Variants in CADM1 observed in about 807,000 individuals in gnomAD.
CADM1 encodes TSLC-1.
A neutral mutation model predicts 53.1 loss-of-function variants in CADM1; 15 were observed. That is an observed-to-expected ratio of 0.28 (90% CI 0.19 to 0.44). CADM1 has a LOEUF of 0.44. Among genes scored for constraint, CADM1 ranks in the 20% least tolerant of loss-of-function variants. The probability of loss-of-function intolerance (pLI) is 1.00; values close to 1 mark genes in which losing one functional copy is unlikely to be tolerated. For missense variants in CADM1, 434 were observed against 611.3 expected (o/e 0.71, Z 3.06); for synonymous variants, 281 against 243.0 (o/e 1.16, Z -1.45).
chr11:115,364,862 G>A (rs904282078), intron 1 of CADM1, among the ~76,000 whole-genome samples: 4 of 152,146 alleles, frequency 2.6e-5, no homozygotes, highest in Non-Finnish European at 5.9e-5. Context: ...ATGTTGGCGT[G>A]TACCTCATTT....
intron 1 of CADM1, among the ~76,000 whole-genome samples, chr11:115,338,689 G>A (rs189185680): frequency 6.6e-6 from 1 of 152,080 alleles, no homozygotes; most frequent in African/African-American, 2.4e-5. Context: ...GTGTGCTATG[G>A]CTCAACTCTC....
intron 1 of CADM1, among the ~76,000 whole-genome samples, chr11:115,313,102 A>G (rs1276759994): frequency 2.6e-5 from 4 of 152,196 alleles, no homozygotes; most frequent in Non-Finnish European, 5.9e-5. Flanking sequence ...AAGATCCTGA[A>G]GGGAAACCTA....
chr11:115,264,608 T>C (rs1227883697), intron 1 of CADM1, among the ~76,000 whole-genome samples: 2 of 152,220 alleles, frequency 1.3e-5, no homozygotes, highest in Non-Finnish European at 2.9e-5. Context: ...ATGAGAGCTC[T>C]GGTGGTGGAA....
chr11:115,238,307 C>A (rs193173104), intron 3 of CADM1, among the ~76,000 whole-genome samples, 193 bp downstream of exon 3: 5 of 152,310 alleles, frequency 3.3e-5, no homozygotes, highest in Middle Eastern at 3.4e-3. Context: ...CAGGTGGAAT[C>A]TATAAAGACT....
chr11:115,190,194 T>C (rs1939778671), intron 10 of CADM1, among the ~76,000 whole-genome samples: 3 of 152,244 alleles, frequency 2.0e-5, no homozygotes. Context: ...CACAACATCA[T>C]GGAAGCTCAT....
rs1938881137 is a variant in CADM1, at chr11:115,173,688, T to C, written c.*2786A>G. The C allele has an allele frequency of 1.2e-5, 6 of 491,620 alleles. No homozygotes were observed. The highest frequency in any genetic ancestry group is 1.5e-5 in the Non-Finnish European group (6 of 393,324). 30.5% of individuals were successfully genotyped at this position (491,620 alleles called of 1,614,324 possible). A position where few individuals can be genotyped will look rare whatever the true frequency, so the allele number is the denominator to read the frequency against. ...GATATTTTATAGTACTTCTTTTTTT[T>C]CTTTTTTTTTTTGTAAAAATGGTAT... On this transcript the variant is annotated 3_prime_UTR_variant, in exon 12 of 12. Coordinates refer to ENST00000331581, the MANE Select transcript of CADM1 (RefSeq NM_001301043.2).
chr11:115,496,524 C>T (rs1949617829), intron 1 of CADM1, among the ~76,000 whole-genome samples: 2 of 152,026 alleles, frequency 1.3e-5, no homozygotes, highest in Admixed American at 1.3e-4. Context: ...AGTGGGAGAG[C>T]AATTGAGGAA....
chr11:115,497,825 C>G (rs183595983), intron 1 of CADM1, among the ~76,000 whole-genome samples: 1 of 152,076 alleles, frequency 6.6e-6, no homozygotes, highest in African/African-American at 2.4e-5. Context: ...GGGGGCGGTG[C>G]AGGGGGCAGG....
At chr11:115,256,749 A>T (rs1348654890) in intron 1 of CADM1, 1 of 454,728 alleles carries the variant, frequency 2.2e-6, no homozygotes, top group Non-Finnish European at 4.4e-6. Flanking sequence ...GTGTTCCTTA[A>T]CATATGGCAA....
chr11:115,366,371 T>TAG (rs1157580789), intron 1 of CADM1, among the ~76,000 whole-genome samples: 1 of 152,234 alleles, frequency 6.6e-6, no homozygotes, highest in Non-Finnish European at 1.5e-5. Context: ...CATAGCTTTT[T>TAG]AGTGTCAAGT....
chr11:115,302,094 A>G (rs751656396), intron 1 of CADM1, among the ~76,000 whole-genome samples: 3 of 151,918 alleles, frequency 2.0e-5, no homozygotes, highest in Non-Finnish European at 2.9e-5. Context: ...TAATTTGAAA[A>G]TGTTCATTAC....
intron 5 of CADM1, among the ~76,000 whole-genome samples, chr11:115,227,176 G>A (rs990440291): frequency 2.0e-5 from 3 of 152,170 alleles, no homozygotes; most frequent in Non-Finnish European, 4.4e-5. Flanking sequence ...TGTTTTTGGA[G>A]GGCATTAGAG....
At chr11:115,352,639 T>C (rs1309531116) in intron 1 of CADM1, among the ~76,000 whole-genome samples, 1 of 152,102 alleles carries the variant, frequency 6.6e-6, no homozygotes, top group Admixed American at 6.5e-5. Context: ...AGAGAAGACT[T>C]AGGAAGAAGA....
At chr11:115,245,461 T>A (rs1205286985) in intron 1 of CADM1, among the ~76,000 whole-genome samples, 1 of 152,248 alleles carries the variant, frequency 6.6e-6, no homozygotes. Context: ...CTTATTTTCT[T>A]TAGATGTGTG....
intron 1 of CADM1, among the ~76,000 whole-genome samples, chr11:115,273,320 T>C (rs901340032): frequency 1.3e-5 from 2 of 152,242 alleles, no homozygotes; most frequent in Non-Finnish European, 2.9e-5. Context: ...TGGTTTATTT[T>C]TTTTCCATCA....
chr11:115,453,052 G>C lies in CADM1; in HGVS notation c.124+51219C>G, dbSNP rs187558577. Among the ~76,000 whole-genome samples the C allele has an allele frequency of 3.7e-3, 565 of 152,136 alleles. 5 individuals carry two copies. The highest frequency in any genetic ancestry group is 4.5e-3 in the Non-Finnish European group (305 of 67,994). On this transcript the variant is annotated intron_variant, in intron 1 of 11. Transcript: ENST00000331581. ...TAAAATTACATTACTAGTTAGTCTA[G>C]GTGTGATAGAAACATTCTGGCCTCA...
rs547635466 is a variant in CADM1, at chr11:115,441,123, GA to G, written c.124+63147del. On this transcript the variant is annotated intron_variant, in intron 1 of 11. Transcript: ENST00000331581. ...ATGGACATGGTGTTTTTTCTTCTGG[GA>G]AAAAAAAAAAAAGTAAAACTAATGA... Among the ~76,000 whole-genome samples, 660 of 141,328 alleles carry G rather than the reference GA, an allele frequency of 4.7e-3. 1 individual carries two copies. Among genetic ancestry groups the G allele is most frequent in the Middle Eastern group, 0.018 (5 of 276 alleles). 92.7% of individuals were successfully genotyped at this position (141,328 alleles called of 152,430 possible).
chr11:115,289,683 T>A (rs1443487942), intron 1 of CADM1, among the ~76,000 whole-genome samples: 1 of 149,754 alleles, frequency 6.7e-6, no homozygotes, highest in African/African-American at 2.5e-5. Context: ...GCAAGCTCTG[T>A]CTCCAGGGTT....
chr11:115,254,776 A>C (rs1942728274), intron 1 of CADM1, among the ~76,000 whole-genome samples: 1 of 152,150 alleles, frequency 6.6e-6, no homozygotes, highest in Non-Finnish European at 1.5e-5. Context: ...TGTGCTCTGA[A>C]TAGAGACAAG....
Sources: gnomAD v4.1 joint callset for allele counts (sites outside exome capture counted in the v4.1 genomes callset) on GRCh38, gnomAD v4.1.1 for gene constraint, MANE v1.5 for transcripts, NCBI Gene and HGNC (gene_info 2026-07-23, HGNC 2026-07-21) for gene names.